The following MCPH1 variants were observed in gnomAD, a reference collection of about 807,000 sequenced individuals.
MCPH1 encodes microcephalin.
Under a neutral mutation model 84.5 loss-of-function variants are expected in MCPH1, and 104 were observed. The observed-to-expected ratio is 1.23, with a 90% CI of 1.05 to 1.45. The LOEUF is 1.45. Ranked by LOEUF, MCPH1 falls within the 40% of genes most tolerant of loss-of-function variation. MCPH1 has a pLI of 0.00. For missense variants in MCPH1, 1,498 were observed against 1,005.7 expected (o/e 1.49, Z -6.62); for synonymous variants, 514 against 366.8 (o/e 1.40, Z -4.58).
intron 4 of MCPH1, among the ~76,000 whole-genome samples, chr8:6,434,394 C>T (rs564068699): frequency 6.6e-6 from 1 of 152,284 alleles, no homozygotes; most frequent in African/African-American, 2.4e-5. Context: ...CACAATCTGT[C>T]CCCAAACTTC....
intron 3 of MCPH1, among the ~76,000 whole-genome samples, chr8:6,423,377 G>C (rs201594503): frequency 6.6e-6 from 1 of 151,050 alleles, no homozygotes; most frequent in Non-Finnish European, 1.5e-5. Context: ...GTGTTAGCCA[G>C]GATGGTCTCC....
In MCPH1 at chr8:6,625,843, A is replaced by T. The variant is rs1000257316; in HGVS notation, c.2452+4152A>T. The T allele has an allele frequency of 3.0e-6, 3 of 985,312 alleles. No individual in the cohort carries two copies. In the African/African-American group the frequency reaches 5.2e-5, roughly 17 times the overall value. The allele number at this position is 985,312 out of a possible 1,614,324, so 61.0% of individuals were successfully genotyped here. A position where few individuals can be genotyped will look rare whatever the true frequency, so the allele number is the denominator to read the frequency against. ...CTTTATATTGTTTCTGTATCTTAAC[A>T]GTCTTGTTTTGCAGATGTCGTAAAC... On this transcript the variant is annotated intron_variant, in intron 13 of 13. Coordinates refer to ENST00000344683, the MANE Select transcript of MCPH1 (RefSeq NM_024596.5).
intron 3 of MCPH1, among the ~76,000 whole-genome samples, chr8:6,417,766 A>G (rs1799525355): frequency 6.6e-6 from 1 of 151,858 alleles, no homozygotes; most frequent in African/African-American, 2.4e-5. Flanking sequence ...TGTCTTAATG[A>G]CCTTGTCTGA....
intron 3 of MCPH1, among the ~76,000 whole-genome samples, chr8:6,428,745 GCACACACACA>G (rs59969242): frequency 4.0e-5 from 6 of 149,460 alleles, no homozygotes; most frequent in Admixed American, 2.0e-4. Context: ...ACGTGCGCAC[GCACACACACA>G]CACACACACA....
intron 4 of MCPH1, among the ~76,000 whole-genome samples, chr8:6,433,584 G>T (rs1802164416): frequency 8.1e-6 from 1 of 123,010 alleles, no homozygotes; most frequent in Non-Finnish European, 1.6e-5. Context: ...AGTGAGCCCA[G>T]ATCATGCCAC....
chr8:6,527,646 G>C (rs752534024), intron 12 of MCPH1: 54 of 1,613,780 alleles, frequency 3.3e-5, no homozygotes, highest in Admixed American at 1.7e-4. Context: ...TCCAAGAGCT[G>C]AAGTTCAAGT....
chr8:6,624,377 C>T (rs922335221), intron 13 of MCPH1, among the ~76,000 whole-genome samples: 11 of 152,338 alleles, frequency 7.2e-5, no homozygotes, highest in East Asian at 1.9e-4. Context: ...TCCCCTCACT[C>T]GCCGGCCACC....
chr8:6,460,797 C>T (rs74648371), intron 9 of MCPH1, among the ~76,000 whole-genome samples: 3 of 152,160 alleles, frequency 2.0e-5, no homozygotes, highest in East Asian at 3.9e-4. Flanking sequence ...GACTCTGGTT[C>T]ACCTCCTCTT....
intron 12 of MCPH1, among the ~76,000 whole-genome samples, chr8:6,582,060 T>C (rs987956265): frequency 3.3e-5 from 5 of 152,126 alleles, no homozygotes; most frequent in Non-Finnish European, 7.4e-5. Context: ...ATTCAGACCA[T>C]AGCCACTGGT....
chr8:6,540,321 A>C (rs10099687), intron 12 of MCPH1, among the ~76,000 whole-genome samples: 1,943 of 152,314 alleles, frequency 0.013, 52 homozygotes, highest in African/African-American at 0.043. Flanking sequence ...TTTATTTTCT[A>C]CTGATAAAGT....
In MCPH1 at chr8:6,414,829, G is replaced by C. The variant is rs751733149; in HGVS notation, c.179G>C (p.Trp60Ser). 7 of 1,613,594 alleles carry C rather than the reference G, an allele frequency of 4.3e-6. No homozygotes were observed. Among genetic ancestry groups the C allele is most frequent in the Non-Finnish European group, 5.9e-6 (7 of 1,179,866 alleles). Residue 60 changes from tryptophan to serine, a missense_variant, in exon 3 of 14, where the codon TGG (tryptophan) becomes TCG (serine). Transcript: ENST00000344683. The stretch of plus-strand genomic sequence containing the variant: ...TTCAAAGATGGCTACCAGAGCACTT[G>C]GGACAAAGCTCAGAAGAGAGGCGTA... ...VIFKDGYQST[W>S]DKAQKRGVKL...
intron 12 of MCPH1, among the ~76,000 whole-genome samples, chr8:6,522,918 C>G (rs573845079): frequency 1.3e-5 from 2 of 152,278 alleles, no homozygotes; most frequent in Non-Finnish European, 2.9e-5. Flanking sequence ...GGCCCCATTC[C>G]TTCTCTAAAA....
At chr8:6,601,014 C>T (rs1829317166) in intron 12 of MCPH1, among the ~76,000 whole-genome samples, 1 of 152,170 alleles carries the variant, frequency 6.6e-6, no homozygotes, top group Non-Finnish European at 1.5e-5. Flanking sequence ...GAAATAGGGA[C>T]TGGAGCCCCC....
chr8:6,446,089 T>G, intron 8 of MCPH1: 2 of 979,298 alleles, frequency 2.0e-6, no homozygotes, highest in Non-Finnish European at 2.4e-6. Flanking sequence ...TTTAAACATT[T>G]TTGATCATTT....
intron 12 of MCPH1, among the ~76,000 whole-genome samples, chr8:6,609,668 G>T (rs899648454): frequency 2.6e-5 from 4 of 152,150 alleles, no homozygotes; most frequent in African/African-American, 7.2e-5. Context: ...ATCCTGATGC[G>T]CTTTTACTTT....
intron 11 of MCPH1, among the ~76,000 whole-genome samples, chr8:6,485,561 C>G (rs1023558357): frequency 6.6e-6 from 1 of 151,906 alleles, no homozygotes; most frequent in African/African-American, 2.4e-5. Context: ...AAAAACATAA[C>G]TTTCTCTAAA....
In MCPH1 at chr8:6,436,149, A is replaced by G. The variant is rs762530502; in HGVS notation, c.423A>G (p.Gln141=). Residue 141 remains glutamine (Q), a synonymous_variant, in exon 5 of 14, where the codon CAA becomes CAG. Coordinates refer to ENST00000344683, the MANE Select transcript of MCPH1 (RefSeq NM_024596.5). ...FEKMAKELQR[Q]KTNLDDDVPI... ...AAATGGCTAAAGAGCTACAAAGGCA[A>G]AAAACAAATCTAGGTAAGCTAAGAA... 13 of 1,613,396 alleles carry G rather than the reference A, an allele frequency of 8.1e-6. No individual in the cohort carries two copies. In the East Asian group the frequency reaches 2.9e-4, roughly 36 times the overall value.
chr8:6,636,070 G>A (rs942902060), intron 13 of MCPH1, among the ~76,000 whole-genome samples: 10 of 152,230 alleles, frequency 6.6e-5, no homozygotes, highest in African/African-American at 2.4e-4. Flanking sequence ...CAGGCACGGT[G>A]GCTCACGCCT....
At chr8:6,552,862 A>T (rs753747688) in intron 12 of MCPH1, among the ~76,000 whole-genome samples, 18 of 152,132 alleles carry the variant, frequency 1.2e-4, no homozygotes, top group Admixed American at 1.1e-3. Flanking sequence ...CCAGTCCGAA[A>T]AGGCTGTATA....
Sources: allele counts gnomAD v4.1 joint callset (sites outside exome capture counted in the v4.1 genomes callset), GRCh38; gene constraint gnomAD v4.1.1; transcripts MANE v1.5; gene names NCBI Gene and HGNC (gene_info 2026-07-23, HGNC 2026-07-21).